CSMD1: variants seen among roughly 807,000 people sequenced by gnomAD.
CSMD1 encodes the protein CUB and Sushi multiple domains 1.
In CSMD1, 213 loss-of-function variants were observed where a neutral mutation model predicts 417.5. The ratio of observed to expected loss-of-function variants is 0.51; its 90% CI spans 0.46 to 0.57. CSMD1 has a LOEUF of 0.57. Among genes scored for constraint, CSMD1 ranks in the 20% least tolerant of loss-of-function variants. The pLI, the probability that CSMD1 is intolerant of heterozygous loss-of-function variation, is 0.00. For synonymous variants in CSMD1, 2,862 were observed against 1,736.8 expected, an observed-to-expected ratio of 1.65 and a Z score of -16.11; for missense variants, 6,923 against 4,529.7, an observed-to-expected ratio of 1.53 and a Z score of -15.17.
At chr8:3,557,868 C>T (rs184710030) in intron 10 of CSMD1, among the ~76,000 whole-genome samples, 160 of 152,230 alleles carry the variant, frequency 1.1e-3, no homozygotes, top group African/African-American at 3.8e-3. Context: ...GTAATAATGC[C>T]ATTGGTTCAG....
At chr8:4,912,949 C>A (rs931451342) in intron 1 of CSMD1, among the ~76,000 whole-genome samples, 1 of 152,076 alleles carries the variant, frequency 6.6e-6, no homozygotes, top group Non-Finnish European at 1.5e-5. Flanking sequence ...CCTCACCCAG[C>A]TAATTTGTTT....
At chr8:4,850,501 G>A (rs1228553773) in intron 1 of CSMD1, among the ~76,000 whole-genome samples, 1 of 147,720 alleles carries the variant, frequency 6.8e-6, no homozygotes, top group Non-Finnish European at 1.5e-5. Context: ...GCAAACATTG[G>A]TTATTTTCCA....
At chr8:3,657,655 T>C (rs143376449) in intron 7 of CSMD1, among the ~76,000 whole-genome samples, 1 of 151,972 alleles carries the variant, frequency 6.6e-6, no homozygotes, top group Non-Finnish European at 1.5e-5. Context: ...TGAGAACACA[T>C]GGACACAAGG....
At chr8:4,352,066 G>A (rs999655326) in intron 3 of CSMD1, among the ~76,000 whole-genome samples, 3 of 151,222 alleles carry the variant, frequency 2.0e-5, no homozygotes, top group Non-Finnish European at 4.4e-5. Context: ...CAATTATTCA[G>A]TGTTAGCCAC....
chr8:3,646,202 C>A (rs1797563107), intron 7 of CSMD1, among the ~76,000 whole-genome samples: 1 of 151,870 alleles, frequency 6.6e-6, no homozygotes, highest in Non-Finnish European at 1.5e-5. Context: ...ATTATTTTAT[C>A]ATATTTGAAT....
intron 5 of CSMD1, among the ~76,000 whole-genome samples, chr8:3,782,735 T>C (rs745360622): frequency 5.9e-5 from 9 of 152,230 alleles, no homozygotes; most frequent in Non-Finnish European, 1.0e-4. Context: ...GTGTTGGTGA[T>C]ACTGAATTAT....
At chr8:4,832,798 A>G (rs1800231368) in intron 1 of CSMD1, among the ~76,000 whole-genome samples, 1 of 152,188 alleles carries the variant, frequency 6.6e-6, no homozygotes, top group Non-Finnish European at 1.5e-5. Context: ...GAGAGCCGAG[A>G]CATTCATCCT....
intron 5 of CSMD1, among the ~76,000 whole-genome samples, chr8:3,846,464 T>C (rs899183186): frequency 1.3e-5 from 2 of 152,162 alleles, no homozygotes; most frequent in African/African-American, 4.8e-5. Context: ...CAAAATAACC[T>C]TCCTCTCAGT....
rs1563088572 is a variant in CSMD1 at position 3,795,901 on chromosome 8, A to ATATCATGTACAGATATAGATATC, written c.819-41882_819-41860dup. ...ATATATCTATCATGTACAGATATAT[A>ATATCATGTACAGATATAGATATC]TATCATGTACAGATATAGATATCTA... On this transcript the variant is annotated intron_variant, in intron 5 of 69. Transcript: ENST00000635120. Among the ~76,000 whole-genome samples the ATATCATGTACAGATATAGATATC allele has an allele frequency of 1.1e-4, 5 of 47,514 alleles. 1 individual carries two copies. Among genetic ancestry groups the ATATCATGTACAGATATAGATATC allele is most frequent in the South Asian group, 6.7e-4 (1 of 1,502 alleles). 31.2% of individuals were successfully genotyped at this position (47,514 alleles called of 152,430 possible).
At chr8:3,281,823 G>A (rs1229077464) in intron 26 of CSMD1, among the ~76,000 whole-genome samples, 1 of 152,146 alleles carries the variant, frequency 6.6e-6, no homozygotes, top group Non-Finnish European at 1.5e-5. Flanking sequence ...AATCCCCACT[G>A]TTGGAGGTAG....
chr8:4,119,308 G>T (rs889555742), intron 3 of CSMD1, among the ~76,000 whole-genome samples: 6 of 152,050 alleles, frequency 3.9e-5, no homozygotes, highest in African/African-American at 1.5e-4. Context: ...AATGTCAACA[G>T]GCAAATTACT....
intron 12 of CSMD1, among the ~76,000 whole-genome samples, chr8:3,463,522 A>G (rs1235334640): frequency 6.6e-6 from 1 of 152,168 alleles, no homozygotes; most frequent in Non-Finnish European, 1.5e-5. Flanking sequence ...AGTCACTACT[A>G]TTCTGGCAGG....
Position 2,938,603 on chromosome 8 carries a change from T to A in CSMD1, c.10677A>T (p.Thr3559=). 2.5e-6 allele frequency: 4 copies of A among 1,612,268 alleles called. No homozygotes were observed. Among genetic ancestry groups the A allele is most frequent in the Non-Finnish European group, 3.4e-6 (4 of 1,179,214 alleles). Residue 3559 remains threonine (T), a synonymous_variant, in exon 70 of 70, where the codon ACA becomes ACT. Transcript: ENST00000635120. ...KAVRFDTTLN[T]VCTVV Reference sequence around the variant, plus strand: ...CTGAGGGCTATACCACTGTACAGACTGTGTTCAGAGTTGTGTCAAACCTCA... The same window carrying A: ...CTGAGGGCTATACCACTGTACAGACAGTGTTCAGAGTTGTGTCAAACCTCA...
intron 3 of CSMD1, among the ~76,000 whole-genome samples, chr8:4,263,973 G>T (rs906811675): frequency 7.2e-5 from 11 of 152,136 alleles, no homozygotes; most frequent in African/African-American, 9.7e-5. Flanking sequence ...AAGAATCATA[G>T]CCTCAGGAGA....
intron 12 of CSMD1, among the ~76,000 whole-genome samples, chr8:3,423,295 C>A (rs1414601461): frequency 6.6e-6 from 1 of 152,138 alleles, no homozygotes; most frequent in Admixed American, 6.5e-5. Flanking sequence ...GCTTCTCATT[C>A]CTCCACAATT....
intron 3 of CSMD1, among the ~76,000 whole-genome samples, chr8:4,265,114 A>G (rs1804156940): frequency 6.6e-6 from 1 of 152,184 alleles, no homozygotes; most frequent in African/African-American, 2.4e-5. Context: ...AATTAAGTTG[A>G]AAAACTGTCC....
intron 3 of CSMD1, among the ~76,000 whole-genome samples, chr8:4,125,701 G>T (rs1303643995): frequency 3.3e-5 from 5 of 152,118 alleles, no homozygotes; most frequent in African/African-American, 1.2e-4. Context: ...GGCATAGGCT[G>T]AACTAAATTT....
chr8:4,348,515 C>T (rs73506677), intron 3 of CSMD1, among the ~76,000 whole-genome samples: 210 of 149,854 alleles, frequency 1.4e-3, no homozygotes, highest in African/African-American at 4.6e-3. Flanking sequence ...GTTGTATCTG[C>T]AAAGATTTTG....
At chr8:4,532,792 A>G (rs575309414) in intron 2 of CSMD1, among the ~76,000 whole-genome samples, 1 of 108,592 alleles carries the variant, frequency 9.2e-6, no homozygotes, top group Non-Finnish European at 1.9e-5. Flanking sequence ...TGCACCCCCA[A>G]TCAGTCACTC....
Sources: gnomAD v4.1 joint callset for allele counts (sites outside exome capture counted in the v4.1 genomes callset) on GRCh38, gnomAD v4.1.1 for gene constraint, MANE v1.5 for transcripts, NCBI Gene and HGNC (gene_info 2026-07-23, HGNC 2026-07-21) for gene names.